NKAIN2: variants seen among roughly 807,000 people sequenced by gnomAD.
NKAIN2 encodes the protein sodium/potassium-transporting ATPase subunit beta-1-interacting protein 2.
NKAIN2 carries 14 observed loss-of-function variants against 32.6 expected under a neutral mutation model. The ratio of observed to expected loss-of-function variants is 0.43; its 90% confidence interval spans 0.28 to 0.67. NKAIN2 has a LOEUF of 0.67. Among genes scored for constraint, NKAIN2 ranks in the 30% least tolerant of loss-of-function variants. NKAIN2 has a pLI of 0.17. For synonymous variants in NKAIN2, 80 were observed against 87.2 expected, an observed-to-expected ratio of 0.92 and a Z score of 0.46; for missense variants, 198 against 258.3, an observed-to-expected ratio of 0.77 and a Z score of 1.60.
chr6:124,442,642 A>G (rs1010089904), intron 3 of NKAIN2, among the ~76,000 whole-genome samples: 4 of 152,072 alleles, frequency 2.6e-5, no homozygotes, highest in African/African-American at 7.2e-5. Flanking sequence ...ATTATGATGC[A>G]GTAGTTCTGA....
chr6:124,096,393 T>C (rs1035727554), intron 1 of NKAIN2, among the ~76,000 whole-genome samples: 45 of 152,318 alleles, frequency 3.0e-4, no homozygotes, highest in African/African-American at 1.0e-3. Context: ...AATGATCAGG[T>C]CCAGGAATGG....
chr6:124,577,797 C>T (rs1347803524), intron 3 of NKAIN2, among the ~76,000 whole-genome samples: 1 of 152,114 alleles, frequency 6.6e-6, no homozygotes, highest in Non-Finnish European at 1.5e-5. Context: ...CTAGGAGAGA[C>T]TCTTTCCCTC....
chr6:124,658,099 AATGGGAAAGTC>A, intron 3 of NKAIN2, 76 bp from the exon 4 acceptor site: 1 of 1,064,910 alleles, frequency 9.4e-7, no homozygotes. Context: ...CACATTTCCA[AATGGGAAAGTC>A]AAAGCAAGTC....
chr6:124,672,163 G>A (rs1480199982), intron 4 of NKAIN2, among the ~76,000 whole-genome samples: 1 of 152,032 alleles, frequency 6.6e-6, no homozygotes, highest in Non-Finnish European at 1.5e-5. Context: ...ACTCAGAGAA[G>A]TGAGATGAAA....
intron 1 of NKAIN2, among the ~76,000 whole-genome samples, chr6:124,170,322 C>G (rs1414250682): frequency 4.6e-5 from 7 of 152,164 alleles, no homozygotes; most frequent in Non-Finnish European, 1.0e-4. Context: ...GAACAGTGAA[C>G]TTGGCATATT....
chr6:124,350,540 A>G (rs988982775), intron 2 of NKAIN2, among the ~76,000 whole-genome samples: 3 of 152,366 alleles, frequency 2.0e-5, no homozygotes, highest in African/African-American at 7.2e-5. Flanking sequence ...GCCTTTGGAT[A>G]GTGATGCACA....
At chr6:124,135,514 G>T (rs1192958567) in intron 1 of NKAIN2, among the ~76,000 whole-genome samples, 42 of 12,250 alleles carry the variant, frequency 3.4e-3, no homozygotes, top group Non-Finnish European at 4.1e-3. Context: ...AGCAACGATA[G>T]TAAAAAAAAA....
chr6:124,763,525 G>C (rs1409239417), intron 4 of NKAIN2, among the ~76,000 whole-genome samples: 1 of 152,054 alleles, frequency 6.6e-6, no homozygotes, highest in African/African-American at 2.4e-5. Context: ...AGCACGAAGG[G>C]GGCAATCTGC....
At chr6:124,087,125 AAATC>A (rs1784221879) in intron 1 of NKAIN2, among the ~76,000 whole-genome samples, 1 of 151,966 alleles carries the variant, frequency 6.6e-6, no homozygotes, top group South Asian at 2.1e-4. Context: ...CAACATGTAA[AAATC>A]AATTAATGTA....
intron 3 of NKAIN2, among the ~76,000 whole-genome samples, chr6:124,564,298 A>G (rs1285625464): frequency 6.6e-6 from 1 of 152,184 alleles, no homozygotes; most frequent in Non-Finnish European, 1.5e-5. Context: ...TTATAAATGC[A>G]CCAATCAGCA....
chr6:123,804,722 A>G (rs1773142676), intron 1 of NKAIN2, among the ~76,000 whole-genome samples: 1 of 152,116 alleles, frequency 6.6e-6, no homozygotes, highest in Admixed American at 6.5e-5. Flanking sequence ...GTCTTTAAGT[A>G]TAATGCTCTA....
chr6:124,688,987 A>G (rs1379529851), intron 4 of NKAIN2, among the ~76,000 whole-genome samples: 1 of 152,166 alleles, frequency 6.6e-6, no homozygotes, highest in Non-Finnish European at 1.5e-5. Flanking sequence ...CATTTGAGTA[A>G]ATACCAAGGA....
chr6:123,999,213 A>G (rs1413463922), intron 1 of NKAIN2, among the ~76,000 whole-genome samples: 8 of 152,102 alleles, frequency 5.3e-5, no homozygotes, highest in Non-Finnish European at 5.9e-5. Context: ...AAAATAAGCA[A>G]TCAAGGTAAA....
chr6:124,176,312 T>A (rs1473556619), intron 1 of NKAIN2, among the ~76,000 whole-genome samples: 1 of 152,184 alleles, frequency 6.6e-6, no homozygotes, highest in Non-Finnish European at 1.5e-5. Context: ...CTGTGAAGTA[T>A]GATTTAAAAA....
chr6:124,361,596 A>G (rs1799291021), intron 3 of NKAIN2, among the ~76,000 whole-genome samples: 1 of 152,096 alleles, frequency 6.6e-6, no homozygotes, highest in South Asian at 2.1e-4. Flanking sequence ...ACACATTTAG[A>G]AGCAACTCCT....
At chr6:124,341,466 A>T (rs928202961) in intron 2 of NKAIN2, among the ~76,000 whole-genome samples, 6 of 152,328 alleles carry the variant, frequency 3.9e-5, no homozygotes, top group African/African-American at 1.4e-4. Context: ...GCATTTTCTC[A>T]ATTTCCCTTT....
chr6:123,836,852 A>T (rs1774650197), intron 1 of NKAIN2, among the ~76,000 whole-genome samples: 1 of 152,172 alleles, frequency 6.6e-6, no homozygotes, highest in Admixed American at 6.5e-5. Flanking sequence ...AATTATCAAA[A>T]TTAATGTTTA....
At chr6:124,678,839 A>T (rs1773480631) in intron 4 of NKAIN2, among the ~76,000 whole-genome samples, 1 of 152,222 alleles carries the variant, frequency 6.6e-6, no homozygotes. Flanking sequence ...GGCTTTGTAC[A>T]GGGAAAGATC....
At chr6:124,515,448 A>G (rs937863436) in intron 3 of NKAIN2, among the ~76,000 whole-genome samples, 2 of 151,834 alleles carry the variant, frequency 1.3e-5, no homozygotes, top group Admixed American at 1.3e-4. Flanking sequence ...CAGAGATCAC[A>G]TGGCCAGAGA....
Sources: gnomAD v4.1 joint callset for allele counts (sites outside exome capture counted in the v4.1 genomes callset) on GRCh38, gnomAD v4.1.1 for gene constraint, MANE v1.5 for transcripts, NCBI Gene and HGNC (gene_info 2026-07-23, HGNC 2026-07-21) for gene names.